The following RNF149 variants were observed in gnomAD, a reference collection of about 807,000 sequenced individuals.
The protein encoded by RNF149 is ring finger protein 149.
A neutral mutation model predicts 39.0 loss-of-function variants in RNF149; 21 were observed. The observed-to-expected ratio is 0.54, with a 90% confidence interval of 0.38 to 0.77. The LOEUF (loss-of-function observed/expected upper bound fraction) is 0.77. RNF149 is among the 30% of genes least tolerant of loss of function. RNF149 has a pLI of 0.00. For missense variants in RNF149, 493 were observed against 534.9 expected (o/e 0.92, Z 0.77); for synonymous variants, 209 against 213.6 (o/e 0.98, Z 0.19).
intron 4 of RNF149, among the ~76,000 whole-genome samples, chr2:101,286,882 ACT>A (rs1204004508): frequency 6.6e-6 from 1 of 152,204 alleles, no homozygotes; most frequent in Non-Finnish European, 1.5e-5. Flanking sequence ...AGGTTCCTAC[ACT>A]CTGCCCCACA....
intron 1 of RNF149, among the ~76,000 whole-genome samples, chr2:101,296,057 G>A (rs1013895127): frequency 6.6e-6 from 1 of 152,176 alleles, no homozygotes; most frequent in African/African-American, 2.4e-5. Context: ...GGTCAAGGCT[G>A]CAGTGAGCTG....
At chr2:101,299,135 G>A (rs1042284208) in intron 1 of RNF149, among the ~76,000 whole-genome samples, 1 of 152,204 alleles carries the variant, frequency 6.6e-6, no homozygotes, top group Non-Finnish European at 1.5e-5. Context: ...CAGTCTGGGC[G>A]ACAGGGCGAG....
In RNF149 at chr2:101,295,195, C is replaced by G. The variant is rs1203993767; in HGVS notation, c.461-14G>C. 1 of 1,603,670 alleles carries G rather than the reference C, an allele frequency of 6.2e-7. No individual in the cohort carries two copies. The highest frequency in any genetic ancestry group is 8.5e-7 in the Non-Finnish European group (1 of 1,171,684). ...TATTTCCTGTTCCTGTAGGAAAGAA[C>G]AAAGAAATCAATGTGAAGAACACAA... On this transcript the variant is annotated splice_polypyrimidine_tract_variant and intron_variant, in intron 1 of 6. Coordinates refer to ENST00000295317, the MANE Select transcript of RNF149 (RefSeq NM_173647.4).
At chr2:101,297,491 G>C (rs1683278225) in intron 1 of RNF149, among the ~76,000 whole-genome samples, 1 of 151,716 alleles carries the variant, frequency 6.6e-6, no homozygotes, top group African/African-American at 2.4e-5. Context: ...TGAGCAGCTG[G>C]GACCACAGGC....
chr2:101,282,024 G>A lies in RNF149; in HGVS notation c.994C>T (p.Pro332Ser). ...EPGDVQEMPA[P>S]ESPPGRDPAA... ...GGATCCCTTCCAGGAGGAGATTCTG[G>A]AGCAGGCATCTCCTGTACATCCCCA... The change falls in exon 6 of 7, where the codon CCA becomes TCA. Residue 332 changes from proline (P) to serine (S), a missense_variant. Pro to Ser is a moderately conservative substitution (Grantham distance 74, BLOSUM62 -1). Coordinates refer to ENST00000295317, the MANE Select transcript of RNF149 (RefSeq NM_173647.4). 6.2e-7 allele frequency: 1 copy of A among 1,614,000 alleles called. No homozygotes were observed. The highest frequency in any genetic ancestry group is 8.5e-7 in the Non-Finnish European group (1 of 1,179,986).
chr2:101,303,254 TACAG>T (rs1224790288), intron 1 of RNF149, among the ~76,000 whole-genome samples: 2 of 150,718 alleles, frequency 1.3e-5, no homozygotes, highest in East Asian at 3.9e-4. Context: ...TAGCTGAGAC[TACAG>T]ACACTTGCCT....
intron 5 of RNF149, among the ~76,000 whole-genome samples, chr2:101,284,855 C>T (rs1682732599): frequency 6.6e-6 from 1 of 152,110 alleles, no homozygotes; most frequent in African/African-American, 2.4e-5. Flanking sequence ...TGTTTAGCAA[C>T]AAGACTATAT....
intron 4 of RNF149, 33 bp from the exon 5 acceptor site, chr2:101,286,210 A>G: frequency 8.0e-7 from 1 of 1,249,180 alleles, no homozygotes; most frequent in Non-Finnish European, 1.2e-6. Context: ...AATGTTTTTA[A>G]AATCAATGTT....
intron 1 of RNF149, among the ~76,000 whole-genome samples, chr2:101,302,981 TAAA>T (rs58511902): frequency 0.011 from 1,593 of 141,492 alleles, 11 homozygotes; most frequent in Non-Finnish European, 0.015. Context: ...CACTTGTCTC[TAAA>T]AAAAAAAAAA....
In RNF149 at chr2:101,294,076, T is replaced by C; in HGVS notation, c.718A>G (p.Arg240Gly). 1 of 1,550,834 alleles carries C rather than the reference T, an allele frequency of 6.4e-7. No individual in the cohort carries two copies. Among genetic ancestry groups the C allele is most frequent in the South Asian group, 1.1e-5 (1 of 89,128 alleles). The change falls in exon 3 of 7, where the codon AGA becomes GGA. Residue 240 changes from arginine to glycine, a missense_variant. Arg to Gly is a moderately radical substitution (Grantham distance 125, BLOSUM62 -2). Transcript: ENST00000295317. Reference sequence around the variant, plus strand: ...CCAATAACTTTCTTAGTTTCTTTTCTATGGCTCTTGGGTAGGAAAATATTA... The same window carrying C: ...CCAATAACTTTCTTAGTTTCTTTTCCATGGCTCTTGGGTAGGAAAATATTA... The part of the protein sequence containing the change: ...TGSQIGSQSH[R>G]KETKKVIGQL...
rs568823483 is a variant in RNF149, at chr2:101,294,208, T to C, written c.712-126A>G. 15 of 588,992 alleles carry C rather than the reference T, an allele frequency of 2.5e-5. No homozygotes were observed. In the East Asian group the frequency reaches 3.0e-4, roughly 12 times the overall value. The allele number at this position is 588,992 out of a possible 1,614,324, so 36.5% of individuals were successfully genotyped here. A position where few individuals can be genotyped will look rare whatever the true frequency, so the allele number is the denominator to read the frequency against. The stretch of plus-strand genomic sequence containing the variant: ...ATTTCATTTGAAAGGCAAAGTCAAA[T>C]GACTATACTGAAAATAACTTTTAAT... On this transcript the variant is annotated intron_variant, in intron 2 of 6. Coordinates refer to ENST00000295317, the MANE Select transcript of RNF149 (RefSeq NM_173647.4).
chr2:101,305,675 A>C (rs1261804013), intron 1 of RNF149, among the ~76,000 whole-genome samples: 1 of 152,142 alleles, frequency 6.6e-6, no homozygotes, highest in East Asian at 1.9e-4. Context: ...CCGCCCCAAC[A>C]CACACAGACA....
chr2:101,292,843 G>A (rs544076771), intron 3 of RNF149, among the ~76,000 whole-genome samples: 5 of 152,224 alleles, frequency 3.3e-5, no homozygotes, highest in East Asian at 3.9e-4. Flanking sequence ...CATAAACCAC[G>A]TTTGTCAAGT....
downstream of RNF149, chr2:101,273,472 GTTTCTTTTTT>G: frequency 6.1e-6 from 2 of 327,410 alleles, no homozygotes; most frequent in Non-Finnish European, 1.2e-5. Context: ...TGTAATATTT[GTTTCTTTTTT>G]TTTTTTTTTT....
At chr2:101,293,226 G>A (rs1459251081) in intron 3 of RNF149, among the ~76,000 whole-genome samples, 1 of 152,008 alleles carries the variant, frequency 6.6e-6, no homozygotes, top group African/African-American at 2.4e-5. Flanking sequence ...CACCATAAGT[G>A]CATGTACTCT....
intron 1 of RNF149, among the ~76,000 whole-genome samples, chr2:101,295,529 T>C (rs1673359635): frequency 6.6e-6 from 1 of 151,710 alleles, no homozygotes; most frequent in Admixed American, 6.6e-5. Context: ...GGTGTGGTGG[T>C]GTGCGCCTGT....
At chr2:101,296,692 C>T (rs749873321) in intron 1 of RNF149, among the ~76,000 whole-genome samples, 6 of 152,120 alleles carry the variant, frequency 3.9e-5, no homozygotes, top group Non-Finnish European at 8.8e-5. Context: ...TTTCTCACAA[C>T]TTACGCCAAA....
intron 3 of RNF149, 63 bp from the exon 4 acceptor site, chr2:101,289,118 C>A (rs1682906408): frequency 6.7e-6 from 6 of 900,760 alleles, no homozygotes; most frequent in Non-Finnish European, 1.1e-5. Context: ...TTGGTAAACT[C>A]ACTACATCCG....
Position 101,276,638 on chromosome 2 carries a change from A to G in RNF149, c.*600T>C. On this transcript the variant is annotated 3_prime_UTR_variant, in exon 7 of 7. Transcript: ENST00000295317. ...ATGAGGCAATAAAGGGAAAAATGCA[A>G]ATCCTAAAGTCATCTAGTGCCTTTC... 2 of 985,812 alleles carry G rather than the reference A, an allele frequency of 2.0e-6. No individual in the cohort carries two copies. The highest frequency in any genetic ancestry group is 2.4e-6 in the Non-Finnish European group (2 of 829,924). 61.1% of individuals were successfully genotyped at this position (985,812 alleles called of 1,614,324 possible).
Sources: allele counts gnomAD v4.1 joint callset (sites outside exome capture counted in the v4.1 genomes callset), GRCh38; gene constraint gnomAD v4.1.1; transcripts MANE v1.5; gene names NCBI Gene and HGNC (gene_info 2026-07-23, HGNC 2026-07-21).